RESF1: variants seen among roughly 807,000 people sequenced by gnomAD.
RESF1 encodes gonad expressed transcript.
A neutral mutation model predicts 134.7 loss-of-function variants in RESF1; 65 were observed. The observed-to-expected ratio is 0.48, with a 90% CI of 0.40 to 0.59. The LOEUF is 0.59. Among genes scored for constraint, RESF1 ranks in the 20% least tolerant of loss-of-function variants. The pLI is 0.00. For synonymous variants in RESF1, 762 were observed against 702.2 expected (o/e 1.09, Z -1.35); for missense variants, 2,274 against 2,002.7 (o/e 1.14, Z -2.59).
At chr12:31,969,467 A>G (rs1939463489) in intron 2 of RESF1, among the ~76,000 whole-genome samples, 1 of 152,138 alleles carries the variant, frequency 6.6e-6, no homozygotes, top group Admixed American at 6.6e-5. Context: ...TCGTGCCACT[A>G]CACTCTAGCC....
intron 1 of RESF1, 175 bp downstream of exon 1, chr12:31,959,666 C>T (rs1939207368): frequency 6.6e-6 from 1 of 151,062 alleles, no homozygotes; most frequent in African/African-American, 2.4e-5. Flanking sequence ...GGCCTCGGGC[C>T]CCGCCGGCTC....
rs760290057 is a variant in RESF1 at position 31,985,289 on chromosome 12, C to T, written c.4334C>T (p.Thr1445Ile). 5 of 1,612,998 alleles carry T rather than the reference C, an allele frequency of 3.1e-6. No homozygotes were observed. The highest frequency in any genetic ancestry group is 4.2e-6 in the Non-Finnish European group (5 of 1,179,794). Residue 1445 changes from threonine (T) to isoleucine (I), a missense_variant, in exon 4 of 6, where the codon ACT becomes ATT. Thr to Ile is a moderately conservative substitution (Grantham distance 89, BLOSUM62 -1). Transcript: ENST00000312561. The stretch of plus-strand genomic sequence containing the variant: ...TCATCTAAATTTAGTAGAATTCTAA[C>T]TCCTAAGGAGTATTTACAAAGGCAG... The part of the protein sequence containing the change: ...ASSSKFSRIL[T>I]PKEYLQRQKH...
At chr12:31,976,326 T>G (rs1939630965) in intron 3 of RESF1, among the ~76,000 whole-genome samples, 2 of 152,218 alleles carry the variant, frequency 1.3e-5, no homozygotes, top group African/African-American at 4.8e-5. Context: ...TGCTGTTCAG[T>G]GGAAGCCTTA....
chr12:31,989,344 CA>C (rs2120902701), intron 5 of RESF1, among the ~76,000 whole-genome samples: 1 of 133,560 alleles, frequency 7.5e-6, no homozygotes, highest in South Asian at 2.4e-4. Context: ...TGCCATGAGC[CA>C]ATATGTCGCC....
Position 31,982,887 on chromosome 12 carries a change from T to A in RESF1, c.1932T>A (p.Val644=). 1 of 1,614,106 alleles carries A rather than the reference T, an allele frequency of 6.2e-7. No individual in the cohort carries two copies. The highest frequency in any genetic ancestry group is 8.5e-7 in the Non-Finnish European group (1 of 1,179,996). ...GTACTTCTAATGTAAGTGGCAGGGT[T>A]TTGGACAACTCCTTTTGCAGTGGAC... ...TPSTSNVSGR[V]LDNSFCSGQE... The change falls in exon 4 of 6, where the codon GTT becomes GTA. Residue 644 remains valine (V), a synonymous_variant. Transcript: ENST00000312561.
Position 31,984,095 on chromosome 12 carries a change from C to T in RESF1, c.3140C>T (p.Pro1047Leu). The change falls in exon 4 of 6, where the codon CCT becomes CTT. Residue 1047 changes from proline to leucine, a missense_variant. Coordinates refer to ENST00000312561, the MANE Select transcript of RESF1 (RefSeq NM_018169.4). ...AATGAAATCCACAGTGATAAGGCAC[C>T]TGTCTTATACCTACATGACCAGCTG... ...ARNEIHSDKAPVLYLHDQLSE... is the reference protein window; with the variant it reads ...ARNEIHSDKALVLYLHDQLSE... 6.2e-7 allele frequency: 1 copy of T among 1,613,900 alleles called. No individual in the cohort carries two copies. The highest frequency in any genetic ancestry group is 8.5e-7 in the Non-Finnish European group (1 of 1,179,962).
rs1489417086 is a variant in RESF1, at chr12:31,982,687, C to G, written c.1732C>G (p.Gln578Glu). 6.2e-7 allele frequency: 1 copy of G among 1,613,952 alleles called. No individual in the cohort carries two copies. The highest frequency in any genetic ancestry group is 8.5e-7 in the Non-Finnish European group (1 of 1,179,932). ...CACTGAGGAATATAAATCAAAAATT[C>G]AAAATGAAAATATGCTACTTCTCGC... ...MSTEEYKSKI[Q>E]NENMLLLALL... is the part of the protein sequence containing the mutation. Residue 578 changes from glutamine to glutamate, a missense_variant, in exon 4 of 6, where the codon CAA (glutamine) becomes GAA (glutamate). Transcript: ENST00000312561.
In RESF1 at chr12:31,981,813, T is replaced by C. The variant is rs1384603782; in HGVS notation, c.858T>C (p.Tyr286=). 6.2e-7 allele frequency: 1 copy of C among 1,613,962 alleles called. No homozygotes were observed. Among genetic ancestry groups the C allele is most frequent in the Non-Finnish European group, 8.5e-7 (1 of 1,180,046 alleles). ...RPPPPPYNCR[Y]GSQPLQSTQH... is the part of the protein sequence containing the mutation. ...CTCCTCCTCCTTACAACTGTAGATA[T>C]GGAAGCCAGCCTTTGCAAAGTACTC... The change falls in exon 4 of 6, where the codon TAT becomes TAC. Residue 286 remains tyrosine, a synonymous_variant. Transcript: ENST00000312561.
In RESF1 at chr12:31,983,695, A is replaced by T; in HGVS notation, c.2740A>T (p.Ser914Cys). Residue 914 changes from serine (S) to cysteine (C), a missense_variant, in exon 4 of 6, where the codon AGC becomes TGC. Transcript: ENST00000312561. The part of the protein sequence containing the change: ...SYNSQIAKIF[S>C]SLPLKMVEPQ... ...CAATTCCCAAATAGCAAAGATATTC[A>T]GCTCTCTTCCCTTGAAAATGGTTGA... is the stretch of plus-strand genomic sequence containing the variant. 1.2e-6 allele frequency: 2 copies of T among 1,613,924 alleles called. No individual in the cohort carries two copies. The highest frequency in any genetic ancestry group is 1.7e-6 in the Non-Finnish European group (2 of 1,180,008).
intron 3 of RESF1, among the ~76,000 whole-genome samples, chr12:31,975,333 T>G (rs2120813046): frequency 6.6e-6 from 1 of 152,222 alleles, no homozygotes; most frequent in African/African-American, 2.4e-5. Context: ...TATAGGAACC[T>G]CCCATCTCCA....
intron 3 of RESF1, among the ~76,000 whole-genome samples, chr12:31,978,159 A>G (rs1226966670): frequency 1.3e-5 from 2 of 152,058 alleles, no homozygotes; most frequent in Admixed American, 1.3e-4. Context: ...TGAACATGGC[A>G]TATCTTTACA....
chr12:31,973,647 C>A (rs760676709), intron 3 of RESF1, among the ~76,000 whole-genome samples: 32 of 151,168 alleles, frequency 2.1e-4, no homozygotes, highest in Non-Finnish European at 1.9e-4. Context: ...TTTCAGTTTT[C>A]TTCTATGCCA....
chr12:31,963,408 AAAAGAGAGTTTT>A (rs1484636023), intron 2 of RESF1, among the ~76,000 whole-genome samples: 3 of 151,746 alleles, frequency 2.0e-5, no homozygotes, highest in Admixed American at 6.6e-5. Flanking sequence ...ATCTAAATCC[AAAAGAGAGTTTT>A]AAAGATTTGG....
Position 31,984,451 on chromosome 12 carries a change from G to C in RESF1, c.3496G>C (p.Glu1166Gln), listed in dbSNP as rs765633052. Residue 1166 changes from glutamate to glutamine, a missense_variant, in exon 4 of 6, where the codon GAG (glutamate) becomes CAG (glutamine). By Grantham distance (29) the Glu-to-Gln change is conservative. Transcript: ENST00000312561. ...TCGTGATTCTGTGATACTGGACTCT[G>C]AGAAAGATGATATCCACTGCTGTGC... ...QSRDSVILDSEKDDIHCCALG... is the reference protein window; with the variant it reads ...QSRDSVILDSQKDDIHCCALG... The C allele has an allele frequency of 1.2e-6, 2 of 1,614,016 alleles. No homozygotes were observed. Among genetic ancestry groups the C allele is most frequent in the South Asian group, 2.2e-5 (2 of 91,088 alleles).
In RESF1 at chr12:31,982,404, T is replaced by C. The variant is rs912572625; in HGVS notation, c.1449T>C (p.Cys483=). Residue 483 remains cysteine, a synonymous_variant, in exon 4 of 6, where the codon TGT becomes TGC. Coordinates refer to ENST00000312561, the MANE Select transcript of RESF1 (RefSeq NM_018169.4). Reference sequence around the variant, plus strand: ...CTGCAGAAACAAATAAGACTCAATGTATGTTGAATTCTGACATTCAGGAAG... The same window carrying C: ...CTGCAGAAACAAATAAGACTCAATGCATGTTGAATTCTGACATTCAGGAAG... The part of the protein sequence containing the change: ...VESAETNKTQ[C]MLNSDIQEVN... 37 of 1,613,966 alleles carry C rather than the reference T, an allele frequency of 2.3e-5. No homozygotes were observed. Among genetic ancestry groups the C allele is most frequent in the Non-Finnish European group, 2.7e-5 (32 of 1,180,024 alleles).
intron 3 of RESF1, among the ~76,000 whole-genome samples, chr12:31,977,801 CTTT>C (rs3075963): frequency 1.8e-4 from 22 of 124,356 alleles, no homozygotes; most frequent in Non-Finnish European, 2.2e-4. Flanking sequence ...TTCTTTCTTT[CTTT>C]TTTTTTTTTT....
At position 31,984,132 on chromosome 12, in the gene RESF1, A is replaced by G. The variant is rs756384271; in HGVS notation, c.3177A>G (p.Leu1059=). The G allele has an allele frequency of 2.5e-6, 4 of 1,612,628 alleles. No individual in the cohort carries two copies. Among genetic ancestry groups the G allele is most frequent in the South Asian group, 2.2e-5 (2 of 90,892 alleles). Residue 1059 remains leucine (L), a synonymous_variant, in exon 4 of 6, where the codon CTA becomes CTG. Transcript: ENST00000312561. ...TACATGACCAGCTGTCAGAACTTCT[A>G]AAAGAGTTTCCTTATGGCATTGAGG... ...LYLHDQLSEL[L]KEFPYGIEAV... is the part of the protein sequence containing the mutation.
intron 2 of RESF1, among the ~76,000 whole-genome samples, chr12:31,969,517 C>A (rs1939464325): frequency 6.6e-6 from 1 of 152,106 alleles, no homozygotes; most frequent in Non-Finnish European, 1.5e-5. Context: ...AAAAATAAAC[C>A]AAAATTCTTG....
chr12:31,992,738 C>T lies in RESF1; in HGVS notation c.*203C>T, dbSNP rs375774394. ...TGTGTAAGAAATGGATGGTATTCAC[C>T]GGGGAAACAAGGTATTTGAATTTCT... On this transcript the variant is annotated 3_prime_UTR_variant, in exon 6 of 6. Coordinates refer to ENST00000312561, the MANE Select transcript of RESF1 (RefSeq NM_018169.4). The T allele has an allele frequency of 8.9e-6, 5 of 563,876 alleles. No homozygotes were observed. Among genetic ancestry groups the T allele is most frequent in the Admixed American group, 6.7e-5 (2 of 29,830 alleles). The allele number at this position is 563,876 out of a possible 1,614,324, so 34.9% of individuals were successfully genotyped here.
Sources: gnomAD v4.1 joint callset for allele counts (sites outside exome capture counted in the v4.1 genomes callset) on GRCh38, gnomAD v4.1.1 for gene constraint, MANE v1.5 for transcripts, NCBI Gene and HGNC (gene_info 2026-07-23, HGNC 2026-07-21) for gene names.